Variants in ATP8B1 observed in about 807,000 individuals in gnomAD.
The protein encoded by ATP8B1 is phospholipid-transporting ATPase IC.
ATP8B1 carries 80 observed loss-of-function variants against 149.9 expected under a neutral mutation model. The observed-to-expected ratio is 0.53, with a 90% CI of 0.45 to 0.64. The LOEUF (loss-of-function observed/expected upper bound fraction) is 0.64. Ranked by LOEUF, ATP8B1 falls within the 30% of genes least tolerant of loss-of-function variation. The probability of loss-of-function intolerance (pLI) is 0.00; values close to 1 mark genes in which losing one functional copy is unlikely to be tolerated. For missense variants in ATP8B1, 1,247 were observed against 1,552.6 expected, an observed-to-expected ratio of 0.80 and a Z score of 3.31; for synonymous variants, 536 against 562.8, an observed-to-expected ratio of 0.95 and a Z score of 0.67.
intron 3 of ATP8B1, 103 bp downstream of exon 3, chr18:57,706,387 G>A: frequency 1.2e-6 from 1 of 854,980 alleles, no homozygotes; most frequent in Non-Finnish European, 2.0e-6. Context: ...GCCCCAGGCA[G>A]GTGGTTACGT....
At chr18:57,761,064 CAT>C (rs948973284) in intron 1 of ATP8B1, among the ~76,000 whole-genome samples, 5 of 133,140 alleles carry the variant, frequency 3.8e-5, no homozygotes, top group East Asian at 2.1e-4. Flanking sequence ...CATAAAATAA[CAT>C]AAAATAAAAT....
chr18:57,750,220 G>T (rs2080003205), intron 1 of ATP8B1, among the ~76,000 whole-genome samples: 1 of 152,120 alleles, frequency 6.6e-6, no homozygotes, highest in Non-Finnish European at 1.5e-5. Context: ...TTTAGCCTGG[G>T]CAACAGAGTG....
intron 19 of ATP8B1, chr18:57,667,395 A>G (rs1910937131): frequency 5.8e-6 from 3 of 512,962 alleles, no homozygotes; most frequent in African/African-American, 5.8e-5. Flanking sequence ...GCCACCAAAC[A>G]ATTTGTGTTT....
chr18:57,712,947 C>T (rs58607169), intron 2 of ATP8B1, among the ~76,000 whole-genome samples: 1,867 of 151,964 alleles, frequency 0.012, 35 homozygotes, highest in African/African-American at 0.043. Flanking sequence ...GGATCCATCA[C>T]CTGCTGATGA....
At chr18:57,714,843 C>T (rs1462093693) in intron 2 of ATP8B1, among the ~76,000 whole-genome samples, 1 of 152,160 alleles carries the variant, frequency 6.6e-6, no homozygotes. Flanking sequence ...CAAGCCCAGA[C>T]TGTGAGAGCT....
At chr18:57,667,464 A>AATT (rs1910945215) in intron 19 of ATP8B1, 1 of 369,044 alleles carries the variant, frequency 2.7e-6, no homozygotes, top group African/African-American at 2.1e-5. Context: ...TGAACTGAAT[A>AATT]ATTGATTTTA....
At chr18:57,761,337 A>T (rs1425364520) in intron 1 of ATP8B1, among the ~76,000 whole-genome samples, 2 of 152,246 alleles carry the variant, frequency 1.3e-5, no homozygotes, top group East Asian at 3.9e-4. Context: ...GAGATAAGAC[A>T]AAGAGTGGGA....
chr18:57,726,218 C>T (rs1251035171), intron 2 of ATP8B1, among the ~76,000 whole-genome samples: 1 of 152,076 alleles, frequency 6.6e-6, no homozygotes, highest in African/African-American at 2.4e-5. Context: ...CAGAGCAAGA[C>T]TCTGCCTCAA....
At chr18:57,685,742 G>T (rs191519297) in intron 13 of ATP8B1, among the ~76,000 whole-genome samples, 1 of 151,682 alleles carries the variant, frequency 6.6e-6, no homozygotes. Context: ...GACCAGCTTG[G>T]CTAGCATGGT....
At chr18:57,712,581 A>G (rs1309701680) in intron 2 of ATP8B1, among the ~76,000 whole-genome samples, 18 of 152,100 alleles carry the variant, frequency 1.2e-4, no homozygotes, top group Admixed American at 1.2e-3. Context: ...TGTAGGCCCC[A>G]TGAACTACAA....
intron 2 of ATP8B1, among the ~76,000 whole-genome samples, chr18:57,726,239 A>G (rs2079706562): frequency 7.4e-6 from 1 of 135,120 alleles, no homozygotes; most frequent in African/African-American, 2.9e-5. Context: ...ACAAAAACAA[A>G]CAACAACAAC....
chr18:57,713,834 C>T (rs1376420632), intron 2 of ATP8B1, among the ~76,000 whole-genome samples: 2 of 108,430 alleles, frequency 1.8e-5, no homozygotes, highest in South Asian at 3.2e-4. Context: ...GCCATGTTGG[C>T]CAGGCTGGTC....
chr18:57,710,305 C>T (rs1286580080), intron 2 of ATP8B1, among the ~76,000 whole-genome samples: 1 of 152,166 alleles, frequency 6.6e-6, no homozygotes, highest in Non-Finnish European at 1.5e-5. Flanking sequence ...TTAACAGCTG[C>T]CATGTGACAT....
At chr18:57,677,533 G>T (rs527863075) in intron 15 of ATP8B1, among the ~76,000 whole-genome samples, 2 of 140,954 alleles carry the variant, frequency 1.4e-5, no homozygotes, top group Admixed American at 1.5e-4. Context: ...GGTAACGGTG[G>T]CAGAGAGAGC....
At chr18:57,754,857 C>G (rs767396215) in intron 1 of ATP8B1, among the ~76,000 whole-genome samples, 9 of 152,172 alleles carry the variant, frequency 5.9e-5, no homozygotes, top group Non-Finnish European at 1.3e-4. Context: ...ACCAGCTGCT[C>G]AGAGCAAAGC....
In ATP8B1 at chr18:57,685,055, C is replaced by T. The variant is rs367941636; in HGVS notation, c.1473+17G>A. 3.2e-5 allele frequency: 52 copies of T among 1,613,716 alleles called. No individual in the cohort carries two copies. The highest frequency in any genetic ancestry group is 2.7e-4 in the African/African-American group (20 of 74,912). On this transcript the variant is annotated intron_variant, in intron 14 of 27. Transcript: ENST00000648908. The stretch of plus-strand genomic sequence containing the variant: ...ATCCCCAGCATCCCAAACGATTCTT[C>T]GGCTTAAAGGTCTTACCTCTATTTT...
At chr18:57,798,319 TA>T (rs1235682975) in intron 1 of ATP8B1, among the ~76,000 whole-genome samples, 1 of 150,962 alleles carries the variant, frequency 6.6e-6, no homozygotes, top group Admixed American at 6.6e-5. Flanking sequence ...TTCACACCTA[TA>T]ATCCCAGCAT....
intron 8 of ATP8B1, among the ~76,000 whole-genome samples, chr18:57,696,931 G>C (rs1279400953): frequency 6.6e-6 from 1 of 152,172 alleles, no homozygotes; most frequent in East Asian, 1.9e-4. Context: ...TTAAATGATA[G>C]CATAGTAACC....
In ATP8B1 at chr18:57,650,407, C is replaced by T. The variant is rs778359776; in HGVS notation, c.3491G>A (p.Arg1164Gln). Reference sequence around the variant, plus strand: ...TGGCCAGATGGTCATTGACAGGAATCGAATGGCAACGACGGGTAGTAAGCA... The same window carrying T: ...TGGCCAGATGGTCATTGACAGGAATTGAATGGCAACGACGGGTAGTAAGCA... ...AVCLLPVVAI[R>Q]FLSMTIWPSE... Residue 1164 changes from arginine to glutamine, a missense_variant, in exon 27 of 28, where the codon CGA (arginine) becomes CAA (glutamine). Physicochemically the swap from Arg to Gln is conservative, Grantham distance 43. Coordinates refer to ENST00000648908, the MANE Select transcript of ATP8B1 (RefSeq NM_001374385.1). 4.3e-6 allele frequency: 7 copies of T among 1,613,844 alleles called. No individual in the cohort carries two copies. Among genetic ancestry groups the T allele is most frequent in the East Asian group, 2.2e-5 (1 of 44,874 alleles).
Sources: gnomAD v4.1 joint callset for allele counts (sites outside exome capture counted in the v4.1 genomes callset) on GRCh38, gnomAD v4.1.1 for gene constraint, MANE v1.5 for transcripts, NCBI Gene and HGNC (gene_info 2026-07-23, HGNC 2026-07-21) for gene names.